SLC36A4: variants seen among roughly 807,000 people sequenced by gnomAD.
SLC36A4 encodes neutral amino acid uniporter 4.
SLC36A4 carries 49 observed loss-of-function variants against 50.5 expected under a neutral mutation model. The ratio of observed to expected loss-of-function variants is 0.97; its 90% CI spans 0.77 to 1.23. The LOEUF (loss-of-function observed/expected upper bound fraction) is 1.23. Ranked by LOEUF, SLC36A4 falls within the 50% of genes most tolerant of loss-of-function variation. The probability of loss-of-function intolerance (pLI) is 0.00; values close to 1 mark genes in which losing one functional copy is unlikely to be tolerated. For missense variants in SLC36A4, 611 were observed against 608.4 expected (o/e 1.00, Z -0.05); for synonymous variants, 207 against 206.5 (o/e 1.00, Z -0.02).
intron 4 of SLC36A4, chr11:93,182,379 G>T: frequency 4.2e-6 from 1 of 239,942 alleles, no homozygotes; most frequent in Non-Finnish European, 6.7e-6. Flanking sequence ...CTGTCCAGTA[G>T]AAGTATTTCA....
At chr11:93,174,875 C>T (rs1439380918) in intron 6 of SLC36A4, among the ~76,000 whole-genome samples, 1 of 134,550 alleles carries the variant, frequency 7.4e-6, no homozygotes, top group African/African-American at 2.7e-5. Context: ...ATTTTTGCAT[C>T]AATGTTCATC....
chr11:93,185,942 T>A (rs1189558464), intron 1 of SLC36A4, 128 bp from the exon 2 acceptor site: 1 of 711,690 alleles, frequency 1.4e-6, no homozygotes, highest in Non-Finnish European at 2.1e-6. Context: ...CCTAAGTTAG[T>A]TCATACTAAT....
intron 10 of SLC36A4, among the ~76,000 whole-genome samples, chr11:93,151,248 C>G (rs1411660911): frequency 6.6e-6 from 1 of 151,872 alleles, no homozygotes; most frequent in African/African-American, 2.4e-5. Context: ...TTATTCATTA[C>G]AAATACTATG....
intron 10 of SLC36A4, among the ~76,000 whole-genome samples, chr11:93,151,179 T>C (rs1860071397): frequency 6.6e-6 from 1 of 152,030 alleles, no homozygotes; most frequent in Admixed American, 6.6e-5. Flanking sequence ...TACATACTTT[T>C]AGCCAAATCC....
rs555307982 is a variant in SLC36A4, at chr11:93,146,638, A to G, written c.*1899T>C. 5.9e-5 allele frequency: 9 copies of G among 152,232 alleles called. No individual in the cohort carries two copies. Among genetic ancestry groups the G allele is most frequent in the Admixed American group, 2.0e-4 (3 of 15,272 alleles). 9.4% of individuals were successfully genotyped at this position (152,232 alleles called of 1,614,324 possible). ...CAAAAAATACTTGAACTAAGTTAAC[A>G]TTTACATATAAAAATAGAGAATATA... On this transcript the variant is annotated 3_prime_UTR_variant, in exon 11 of 11. Coordinates refer to ENST00000326402, the MANE Select transcript of SLC36A4 (RefSeq NM_152313.4).
intron 9 of SLC36A4, among the ~76,000 whole-genome samples, chr11:93,161,540 A>T (rs1860617975): frequency 6.6e-6 from 1 of 152,198 alleles, no homozygotes; most frequent in Non-Finnish European, 1.5e-5. Flanking sequence ...CTTCCTACAA[A>T]CATTTGTCCT....
In SLC36A4 at chr11:93,145,107, T is replaced by C. The variant is rs1408208511; in HGVS notation, c.*3430A>G. The C allele has an allele frequency of 6.6e-6, 1 of 152,048 alleles. No homozygotes were observed. Among genetic ancestry groups the C allele is most frequent in the Non-Finnish European group, 1.5e-5 (1 of 67,962 alleles). The allele number at this position is 152,048 out of a possible 1,614,324, so 9.4% of individuals were successfully genotyped here. A position where few individuals can be genotyped will look rare whatever the true frequency, so the allele number is the denominator to read the frequency against. The stretch of plus-strand genomic sequence containing the variant: ...TCTATGAGAAGACATAAGTAAGCTA[T>C]AGTAAGACTTGTGCCTTGCCACAGC... On this transcript the variant is annotated 3_prime_UTR_variant, in exon 11 of 11. Transcript: ENST00000326402.
intron 9 of SLC36A4, among the ~76,000 whole-genome samples, chr11:93,156,368 C>T (rs538839327): frequency 1.9e-4 from 29 of 151,780 alleles, no homozygotes; most frequent in Admixed American, 6.6e-4. Context: ...TGACTGTTGG[C>T]GGCATGTATG....
chr11:93,144,435 T>G lies in SLC36A4; in HGVS notation c.*4102A>C, dbSNP rs1859810994. 1 of 152,054 alleles carries G rather than the reference T, an allele frequency of 6.6e-6. No homozygotes were observed. The highest frequency in any genetic ancestry group is 2.4e-5 in the African/African-American group (1 of 41,440). The allele number at this position is 152,054 out of a possible 1,614,324, so 9.4% of individuals were successfully genotyped here. The stretch of plus-strand genomic sequence containing the variant: ...TAGTGTTCTTTTCAAAACAGCATCT[T>G]TCTGGACCCAATTTAAATAGTAATT... On this transcript the variant is annotated 3_prime_UTR_variant, in exon 11 of 11. Coordinates refer to ENST00000326402, the MANE Select transcript of SLC36A4 (RefSeq NM_152313.4).
chr11:93,181,831 AAG>A (rs1464206797), intron 4 of SLC36A4, 45 bp from the exon 5 acceptor site: 1 of 1,467,298 alleles, frequency 6.8e-7, no homozygotes, highest in East Asian at 2.4e-5. Flanking sequence ...GAAAAATTTT[AAG>A]GTGGTCCATA....
intron 8 of SLC36A4, among the ~76,000 whole-genome samples, chr11:93,163,548 G>A (rs190591660): frequency 4.1e-4 from 62 of 152,280 alleles, no homozygotes; most frequent in African/African-American, 1.3e-3. Flanking sequence ...TAGAGGTGAA[G>A]TGCCTGTCTC....
chr11:93,182,752 G>T, intron 4 of SLC36A4, 54 bp downstream of exon 4: 3 of 1,291,910 alleles, frequency 2.3e-6, no homozygotes, highest in Non-Finnish European at 3.3e-6. Context: ...ACTATCTGAT[G>T]CTGTAAATAA....
chr11:93,150,509 T>G (rs1284464742), intron 10 of SLC36A4, among the ~76,000 whole-genome samples: 1 of 152,072 alleles, frequency 6.6e-6, no homozygotes, highest in Non-Finnish European at 1.5e-5. Flanking sequence ...CAAATTATTA[T>G]GAAAGCTAAA....
intron 9 of SLC36A4, among the ~76,000 whole-genome samples, chr11:93,157,659 C>T (rs1565217944): frequency 6.6e-6 from 1 of 152,152 alleles, no homozygotes; most frequent in Non-Finnish European, 1.5e-5. Context: ...AAAGATTTGG[C>T]TCTCAGCTTG....
At position 93,190,249 on chromosome 11, in the gene SLC36A4, T is replaced by A. The variant is rs571699028; in HGVS notation, c.56-4435A>T. On this transcript the variant is annotated intron_variant, in intron 1 of 10. Coordinates refer to ENST00000326402, the MANE Select transcript of SLC36A4 (RefSeq NM_152313.4). ...TAAAACCTTAACAAAAATTTAATTA[T>A]TCCTGGGTACAAAAAATACAGATAG... Among the ~76,000 whole-genome samples the A allele has an allele frequency of 2.0e-5, 3 of 152,324 alleles. No individual in the cohort carries two copies. The South Asian group carries it at 6.2e-4, about 32-fold the overall frequency.
Position 93,157,784 on chromosome 11 carries a change from C to T in SLC36A4, c.1038-3507G>A, listed in dbSNP as rs188723215. ...GCCTTTGGGCTTACTATGGGGTTTT[C>T]GAGATATAGGATCATGTCATCTGAA... On this transcript the variant is annotated intron_variant, in intron 9 of 10. Coordinates refer to ENST00000326402, the MANE Select transcript of SLC36A4 (RefSeq NM_152313.4). Among the ~76,000 whole-genome samples, 509 of 152,248 alleles carry T rather than the reference C, an allele frequency of 3.3e-3. 2 individuals are homozygous for T. Among genetic ancestry groups the T allele is most frequent in the Middle Eastern group, 0.02 (6 of 294 alleles).
intron 7 of SLC36A4, 151 bp from the exon 8 acceptor site, chr11:93,166,167 C>T: frequency 7.7e-7 from 1 of 1,304,618 alleles, no homozygotes; most frequent in South Asian, 2.0e-5. Flanking sequence ...TTAAAGCATC[C>T]TCTGTTAAAT....
chr11:93,196,611 C>T (rs1421753268), intron 1 of SLC36A4, among the ~76,000 whole-genome samples: 5 of 152,142 alleles, frequency 3.3e-5, no homozygotes, highest in Non-Finnish European at 5.9e-5. Flanking sequence ...TGTGATGATC[C>T]GGCCGCCTCA....
chr11:93,189,864 G>A (rs773547725), intron 1 of SLC36A4, among the ~76,000 whole-genome samples: 46 of 152,196 alleles, frequency 3.0e-4, no homozygotes, highest in Admixed American at 1.1e-3. Context: ...CATTATTGAA[G>A]AGTTTATTTT....
Sources: gnomAD v4.1 joint callset for allele counts (sites outside exome capture counted in the v4.1 genomes callset) on GRCh38, gnomAD v4.1.1 for gene constraint, MANE v1.5 for transcripts, NCBI Gene and HGNC (gene_info 2026-07-23, HGNC 2026-07-21) for gene names.